Variants in CNTN4 observed in about 807,000 individuals in gnomAD.
CNTN4 encodes contactin 4.
CNTN4 carries 77 observed loss-of-function variants against 122.5 expected under a neutral mutation model. The ratio of observed to expected loss-of-function variants is 0.63; its 90% CI spans 0.52 to 0.76. The LOEUF (loss-of-function observed/expected upper bound fraction) is 0.76. Among genes scored for constraint, CNTN4 ranks in the 30% least tolerant of loss-of-function variants. The pLI is 0.00. For synonymous variants in CNTN4, 512 were observed against 447.0 expected, an observed-to-expected ratio of 1.15 and a Z score of -1.83; for missense variants, 1,256 against 1,259.1, an observed-to-expected ratio of 1.00 and a Z score of 0.04.
chr3:2,686,727 C>A (rs112669919), intron 4 of CNTN4, among the ~76,000 whole-genome samples: 4 of 152,230 alleles, frequency 2.6e-5, no homozygotes, highest in African/African-American at 9.6e-5. Flanking sequence ...AGCTGTAGTA[C>A]CCCAACTTCT....
intron 3 of CNTN4, among the ~76,000 whole-genome samples, chr3:2,538,070 G>GA (rs1423462651): frequency 3.3e-5 from 5 of 151,966 alleles, no homozygotes; most frequent in Non-Finnish European, 5.9e-5. Context: ...ATATCATATA[G>GA]AAGTATGGTG....
At chr3:2,392,002 T>C (rs1301845852) in intron 3 of CNTN4, among the ~76,000 whole-genome samples, 1 of 152,156 alleles carries the variant, frequency 6.6e-6, no homozygotes, top group Non-Finnish European at 1.5e-5. Flanking sequence ...TATGTTAGAA[T>C]TATTGTAGCT....
chr3:2,287,723 A>G (rs187324011), intron 2 of CNTN4, among the ~76,000 whole-genome samples: 961 of 55,872 alleles, frequency 0.017, 14 homozygotes, highest in African/African-American at 0.037. Flanking sequence ...AAGAAGAAGA[A>G]GAAGAAGAAG....
intron 10 of CNTN4, among the ~76,000 whole-genome samples, 186 bp downstream of exon 10, chr3:2,887,410 G>T (rs1432732040): frequency 6.6e-6 from 1 of 152,058 alleles, no homozygotes; most frequent in Non-Finnish European, 1.5e-5. Flanking sequence ...TGGGGGGCAA[G>T]GGTGTTGACG....
intron 4 of CNTN4, among the ~76,000 whole-genome samples, chr3:2,639,377 G>GT (rs1179110834): frequency 1.3e-5 from 2 of 152,128 alleles, no homozygotes; most frequent in African/African-American, 4.8e-5. Flanking sequence ...CCTCAGATCA[G>GT]TGCTTGCCCA....
chr3:2,636,600 A>G lies in CNTN4; in HGVS notation c.55+65042A>G, dbSNP rs1022722461. Among the ~76,000 whole-genome samples the G allele has an allele frequency of 5.3e-5, 8 of 152,206 alleles. No homozygotes were observed. The East Asian group carries it at 1.5e-3, about 29-fold the overall frequency. ...TCTCCAAACTTCCCAACCCAAACTC[A>G]TATCTGTTTATTACTTTATAACTGT... On this transcript the variant is annotated intron_variant, in intron 4 of 24. Coordinates refer to ENST00000418658, the MANE Select transcript of CNTN4 (RefSeq NM_175607.3).
chr3:2,634,671 A>T (rs1189609684), intron 4 of CNTN4, among the ~76,000 whole-genome samples: 1 of 94,654 alleles, frequency 1.1e-5, no homozygotes, highest in Non-Finnish European at 2.0e-5. Flanking sequence ...TCTACTAAAA[A>T]TACAGAAAAA....
At chr3:2,380,658 A>T (rs1406310154) in intron 3 of CNTN4, among the ~76,000 whole-genome samples, 2 of 151,950 alleles carry the variant, frequency 1.3e-5, no homozygotes, top group Non-Finnish European at 2.9e-5. Flanking sequence ...CAAATTCAGT[A>T]TATCCAGATT....
At chr3:2,207,930 A>C (rs2038436975) in intron 2 of CNTN4, among the ~76,000 whole-genome samples, 1 of 152,094 alleles carries the variant, frequency 6.6e-6, no homozygotes, top group South Asian at 2.1e-4. Context: ...ACCATTCTAA[A>C]AATCCTAGGA....
chr3:2,891,624 G>A (rs186203712), intron 10 of CNTN4, among the ~76,000 whole-genome samples: 28 of 152,268 alleles, frequency 1.8e-4, no homozygotes, highest in African/African-American at 6.7e-4. Flanking sequence ...CAGAAGGTGA[G>A]GAAGTGCAAA....
At chr3:2,957,420 C>T (rs1299758092) in intron 13 of CNTN4, among the ~76,000 whole-genome samples, 1 of 152,030 alleles carries the variant, frequency 6.6e-6, no homozygotes. Flanking sequence ...ATGCCTTTGG[C>T]CATTTACATG....
chr3:2,788,884 C>T (rs914036143), intron 6 of CNTN4, among the ~76,000 whole-genome samples: 1 of 152,148 alleles, frequency 6.6e-6, no homozygotes, highest in Non-Finnish European at 1.5e-5. Context: ...AAAGATATAA[C>T]AGTCAAAGAC....
intron 22 of CNTN4, 60 bp downstream of exon 22, chr3:3,043,223 T>A: frequency 7.1e-7 from 1 of 1,405,176 alleles, no homozygotes; most frequent in East Asian, 2.3e-5. Context: ...CCAAGTTTAT[T>A]CCTTATCCCC....
chr3:2,184,936 T>G (rs184270059), intron 2 of CNTN4, among the ~76,000 whole-genome samples: 4 of 152,188 alleles, frequency 2.6e-5, no homozygotes, highest in Admixed American at 2.6e-4. Context: ...TCAAAATCTT[T>G]GTGAAGGATG....
At chr3:2,259,315 T>A (rs1392948076) in intron 2 of CNTN4, among the ~76,000 whole-genome samples, 1 of 152,186 alleles carries the variant, frequency 6.6e-6, no homozygotes, top group Non-Finnish European at 1.5e-5. Context: ...TTTTGGACAA[T>A]GACTGATGTT....
chr3:2,708,133 T>TTGGCCTGTATTATATTTCAAAGTTTCAA (rs2086854037), intron 4 of CNTN4, among the ~76,000 whole-genome samples: 2 of 152,204 alleles, frequency 1.3e-5, no homozygotes, highest in Non-Finnish European at 2.9e-5. Flanking sequence ...ATCTTTAAGA[T>TTGGCCTGTATTATATTTCAAAGTTTCAA]TGGCCTGTAT....
At chr3:2,628,115 C>T (rs2082280787) in intron 4 of CNTN4, among the ~76,000 whole-genome samples, 1 of 152,202 alleles carries the variant, frequency 6.6e-6, no homozygotes, top group Non-Finnish European at 1.5e-5. Flanking sequence ...GTTGTCACCC[C>T]TTCCATTGTA....
intron 6 of CNTN4, among the ~76,000 whole-genome samples, chr3:2,762,016 G>T (rs751678154): frequency 6.6e-6 from 1 of 152,096 alleles, no homozygotes; most frequent in Non-Finnish European, 1.5e-5. Flanking sequence ...CAAGCAATGC[G>T]TTGGACACAG....
intron 4 of CNTN4, among the ~76,000 whole-genome samples, chr3:2,572,103 C>A (rs1353987596): frequency 6.6e-6 from 1 of 152,142 alleles, no homozygotes; most frequent in Non-Finnish European, 1.5e-5. Flanking sequence ...AAAGTTCAAA[C>A]ATGGCTGGGC....
Sources: allele counts gnomAD v4.1 joint callset (sites outside exome capture counted in the v4.1 genomes callset), GRCh38; gene constraint gnomAD v4.1.1; transcripts MANE v1.5; gene names NCBI Gene and HGNC (gene_info 2026-07-23, HGNC 2026-07-21).